Variants in CAGE1 observed in about 807,000 individuals in gnomAD.
CAGE1 encodes cancer-associated gene 1 protein.
In CAGE1, 66 loss-of-function variants were observed where a neutral mutation model predicts 94.9. The observed-to-expected ratio is 0.70, with a 90% CI of 0.57 to 0.85. The LOEUF (loss-of-function observed/expected upper bound fraction) is 0.85, where lower values mean the gene tolerates loss of function less well. CAGE1 is among the 40% of genes least tolerant of loss of function. The pLI is 0.00. For missense variants in CAGE1, 865 were observed against 950.4 expected, an observed-to-expected ratio of 0.91 and a Z score of 1.18; for synonymous variants, 319 against 321.0, an observed-to-expected ratio of 0.99 and a Z score of 0.07.
chr6:7,332,534 C>A lies in CAGE1; in HGVS notation c.2438+1488G>T, dbSNP rs116624765. On this transcript the variant is annotated intron_variant, in intron 12 of 13. Transcript: ENST00000502583. ...GCTCAGAGAGAAAAGCTATCCAACA[C>A]AGCCCCTCTGCTGAGCAGCCACAGC... Among the ~76,000 whole-genome samples, 1,147 of 152,336 alleles carry A rather than the reference C, an allele frequency of 7.5e-3. 13 individuals carry two copies. The highest frequency in any genetic ancestry group is 0.025 in the African/African-American group (1,032 of 41,562).
intron 12 of CAGE1, 136 bp from the exon 13 acceptor site, chr6:7,330,024 A>G (rs2113337913): frequency 1.7e-6 from 1 of 575,048 alleles, no homozygotes. Flanking sequence ...AGATAGAACT[A>G]TGAGACCCTC....
At chr6:7,382,400 C>G (rs1353072016) in intron 3 of CAGE1, among the ~76,000 whole-genome samples, 1 of 151,890 alleles carries the variant, frequency 6.6e-6, no homozygotes, top group Non-Finnish European at 1.5e-5. Flanking sequence ...CTCCCGGATT[C>G]AAGTGATTCT....
intron 11 of CAGE1, among the ~76,000 whole-genome samples, chr6:7,335,166 C>T (rs150044742): frequency 6.6e-6 from 1 of 152,170 alleles, no homozygotes; most frequent in Admixed American, 6.5e-5. Flanking sequence ...TCTGCCTCCC[C>T]CCTCTTATAA....
chr6:7,332,831 C>T (rs998362112), intron 12 of CAGE1, among the ~76,000 whole-genome samples: 3 of 152,130 alleles, frequency 2.0e-5, no homozygotes, highest in Non-Finnish European at 2.9e-5. Flanking sequence ...TCATTTATTT[C>T]GGAAACTCTG....
intron 2 of CAGE1, among the ~76,000 whole-genome samples, chr6:7,386,414 T>C (rs1240278992): frequency 3.3e-5 from 5 of 152,162 alleles, no homozygotes; most frequent in Non-Finnish European, 5.9e-5. Context: ...GACAGGAAAG[T>C]TGTCATTTAT....
chr6:7,340,872 A>G, intron 11 of CAGE1: 1 of 436,426 alleles, frequency 2.3e-6, no homozygotes. Flanking sequence ...ACACCACAGA[A>G]CTGATGTATG....
At chr6:7,356,199 C>T in intron 9 of CAGE1, 70 bp from the exon 10 acceptor site, 1 of 812,400 alleles carries the variant, frequency 1.2e-6, no homozygotes, top group Admixed American at 2.3e-5. Context: ...ATGCCAAGAA[C>T]AAATGAGAAA....
chr6:7,338,932 G>A, intron 11 of CAGE1: 2 of 1,602,266 alleles, frequency 1.2e-6, no homozygotes, highest in Non-Finnish European at 1.7e-6. Flanking sequence ...TCATCTTTGG[G>A]TTCCACGATG....
intron 9 of CAGE1, among the ~76,000 whole-genome samples, chr6:7,357,389 G>C (rs1759994270): frequency 6.6e-6 from 1 of 152,100 alleles, no homozygotes; most frequent in Admixed American, 6.6e-5. Context: ...CATCCTGGAG[G>C]GGGGTTCCAC....
intron 1 of CAGE1, 107 bp from the exon 2 acceptor site, chr6:7,387,303 C>A: frequency 1.6e-6 from 1 of 634,752 alleles, no homozygotes; most frequent in East Asian, 2.8e-5. Flanking sequence ...TTTGAAATGT[C>A]ATTTGTCAAG....
intron 7 of CAGE1, among the ~76,000 whole-genome samples, chr6:7,367,413 CA>C (rs1760383156): frequency 6.6e-6 from 1 of 151,636 alleles, no homozygotes; most frequent in South Asian, 2.1e-4. Flanking sequence ...ATAGCTAGGA[CA>C]CAGGTGTGTG....
At chr6:7,345,642 T>G (rs1759464054) in intron 11 of CAGE1, among the ~76,000 whole-genome samples, 1 of 152,134 alleles carries the variant, frequency 6.6e-6, no homozygotes, top group Non-Finnish European at 1.5e-5. Flanking sequence ...ACGGAAAAAT[T>G]ACAGGCCCGG....
chr6:7,360,156 G>C (rs1162900347), intron 9 of CAGE1, among the ~76,000 whole-genome samples: 1 of 152,212 alleles, frequency 6.6e-6, no homozygotes, highest in East Asian at 1.9e-4. Context: ...AAGAACTCAT[G>C]ATTATTGGAC....
intron 11 of CAGE1, chr6:7,340,711 A>C: frequency 4.8e-6 from 1 of 206,584 alleles, no homozygotes; most frequent in African/African-American, 2.4e-5. Context: ...CACTGACAAA[A>C]ATACACCCCA....
intron 11 of CAGE1, among the ~76,000 whole-genome samples, chr6:7,335,996 A>C (rs987180424): frequency 1.3e-5 from 2 of 152,248 alleles, no homozygotes; most frequent in Non-Finnish European, 2.9e-5. Context: ...AAACACATAT[A>C]CCCTAGAATA....
At chr6:7,333,195 C>T (rs2113345084) in intron 12 of CAGE1, among the ~76,000 whole-genome samples, 1 of 152,272 alleles carries the variant, frequency 6.6e-6, no homozygotes, top group South Asian at 2.1e-4. Flanking sequence ...AAGTGATTCA[C>T]CCGCCTCAGT....
At chr6:7,345,430 T>A (rs1351425027) in intron 11 of CAGE1, among the ~76,000 whole-genome samples, 1 of 152,206 alleles carries the variant, frequency 6.6e-6, no homozygotes, top group Non-Finnish European at 1.5e-5. Context: ...TGCAGGGGTC[T>A]GTGGTTTCAT....
At chr6:7,366,307 A>T (rs1197045835) in intron 7 of CAGE1, among the ~76,000 whole-genome samples, 2 of 152,136 alleles carry the variant, frequency 1.3e-5, no homozygotes, top group African/African-American at 2.4e-5. Flanking sequence ...CATACAAAAA[A>T]TATGTTTTTA....
rs754124311 is a variant in CAGE1, at chr6:7,365,805, T to G, written c.2084A>C (p.Lys695Thr). The change falls in exon 8 of 14, where the codon AAG (lysine) becomes ACG (threonine). Residue 695 changes from lysine (K) to threonine (T), a missense_variant and splice_region_variant. Physicochemically the swap from Lys to Thr is moderately conservative, Grantham distance 78. Transcript: ENST00000502583. ...KEKAFQDHAIKVIDCDSDEAK... is the reference protein window; with the variant it reads ...KEKAFQDHAITVIDCDSDEAK... Reference sequence around the variant, plus strand: ...GTACGTAGTAAATATTAAGCTCACCTTAATAGCATGATCTTGAAATGCTTT... The same window carrying G: ...GTACGTAGTAAATATTAAGCTCACCGTAATAGCATGATCTTGAAATGCTTT... 2.9e-5 allele frequency: 44 copies of G among 1,513,378 alleles called. No individual in the cohort carries two copies. Among genetic ancestry groups the G allele is most frequent in the South Asian group, 3.7e-5 (3 of 81,542 alleles). 93.7% of individuals were successfully genotyped at this position (1,513,378 alleles called of 1,614,324 possible). A position where few individuals can be genotyped will look rare whatever the true frequency, so the allele number is the denominator to read the frequency against.
Sources: allele counts gnomAD v4.1 joint callset (sites outside exome capture counted in the v4.1 genomes callset), GRCh38; gene constraint gnomAD v4.1.1; transcripts MANE v1.5; gene names NCBI Gene and HGNC (gene_info 2026-07-23, HGNC 2026-07-21).